ROM1: variants seen among roughly 807,000 people sequenced by gnomAD.
The protein encoded by ROM1 is retinal outer segment membrane protein 1, also known as rod outer segment membrane protein 1.
Under a neutral mutation model 23.0 loss-of-function variants are expected in ROM1, and 17 were observed. That is an observed-to-expected ratio of 0.74 (90% confidence interval 0.51 to 1.11). The LOEUF is 1.11. Among genes scored for constraint, ROM1 ranks in the 50% least tolerant of loss-of-function variants. The probability of loss-of-function intolerance (pLI) is 0.00; values close to 1 mark genes in which losing one functional copy is unlikely to be tolerated. For missense variants in ROM1, 436 were observed against 439.7 expected, an observed-to-expected ratio of 0.99 and a Z score of 0.08; for synonymous variants, 200 against 206.5, an observed-to-expected ratio of 0.97 and a Z score of 0.27.
Position 62,613,371 on chromosome 11 carries a change from G to A in ROM1, c.90G>A (p.Leu30=). ...GGCTCCTCTCCTGGCTGCTGGCGCT[G>A]GCTGGTGGCGTCATCCTCCTCTGTA... The part of the protein sequence containing the change: ...GLWLLSWLLA[L]AGGVILLCSG... Residue 30 remains leucine (L), a synonymous_variant, in exon 1 of 3, where the codon CTG becomes CTA. Coordinates refer to ENST00000278833, the MANE Select transcript of ROM1 (RefSeq NM_000327.4). The A allele has an allele frequency of 1.2e-6, 2 of 1,613,638 alleles. No homozygotes were observed. Among genetic ancestry groups the A allele is most frequent in the Non-Finnish European group, 1.7e-6 (2 of 1,179,824 alleles).
chr11:62,613,305 G>T lies in ROM1; in HGVS notation c.24G>T (p.Val8=). MAPVLPL[V]LPLQPRIRLA... ...AGATGGCGCCGGTGTTGCCCCTGGT[G>T]CTGCCCCTGCAGCCCCGCATCCGCC... is the stretch of plus-strand genomic sequence containing the variant. Residue 8 remains valine (V), a synonymous_variant, in exon 1 of 3, where the codon GTG becomes GTT. Transcript: ENST00000278833. 1.2e-6 allele frequency: 2 copies of T among 1,609,432 alleles called. No individual in the cohort carries two copies. The highest frequency in any genetic ancestry group is 1.7e-6 in the Non-Finnish European group (2 of 1,178,966).
rs1162792024 is a variant in ROM1, at chr11:62,613,336, C to T, written c.55C>T (p.Gln19Ter). 6.2e-7 allele frequency: 1 copy of T among 1,613,192 alleles called. No individual in the cohort carries two copies. The highest frequency in any genetic ancestry group is 1.7e-5 in the Admixed American group (1 of 59,940). ...CCTGCAGCCCCGCATCCGCCTGGCA[C>T]AAGGGCTCTGGCTCCTCTCCTGGCT... ...LPLQPRIRLA[Q>*]GLWLLSWLLA... is the part of the protein sequence containing the mutation. The change falls in exon 1 of 3, where the codon CAA (glutamine) becomes TAA (stop). Residue 19 changes from glutamine (Q) to a stop codon, truncating the protein, a stop_gained. Transcript: ENST00000278833. LOFTEE classifies it high-confidence loss of function.
chr11:62,613,692 G>A lies in ROM1; in HGVS notation c.411G>A (p.Leu137=). ...TGGATGAGGCGCTGGAGGAGGGCCT[G>A]GTGACTGCCTTGGCTCACTACAAGG... The part of the protein sequence containing the change: ...GSLDEALEEG[L]VTALAHYKDT... The change falls in exon 1 of 3, where the codon CTG becomes CTA. Residue 137 remains leucine, a synonymous_variant. Transcript: ENST00000278833. The A allele has an allele frequency of 1.2e-6, 2 of 1,614,178 alleles. No homozygotes were observed. Among genetic ancestry groups the A allele is most frequent in the Non-Finnish European group, 1.7e-6 (2 of 1,180,026 alleles).
At position 62,613,728 on chromosome 11, in the gene ROM1, G is replaced by T; in HGVS notation, c.447G>T (p.Val149=). 1.2e-6 allele frequency: 2 copies of T among 1,614,216 alleles called. No individual in the cohort carries two copies. The highest frequency in any genetic ancestry group is 1.7e-6 in the Non-Finnish European group (2 of 1,180,030). ...TGGCTCACTACAAGGACACAGAGGTGCCTGGGCACTGTCAGGCCAAAAGGC... is the reference window on the plus strand; with the variant it reads ...TGGCTCACTACAAGGACACAGAGGTTCCTGGGCACTGTCAGGCCAAAAGGC... ...TALAHYKDTE[V]PGHCQAKRLV... The change falls in exon 1 of 3, where the codon GTG becomes GTT. Residue 149 remains valine (V), a synonymous_variant. Transcript: ENST00000278833.
chr11:62,613,513 C>T lies in ROM1; in HGVS notation c.232C>T (p.Leu78=), dbSNP rs1166852916. ...AAGAVALGTG[L]VGVGASRASL... ...GGGCGCGGTGGCTCTGGGCACAGGA[C>T]TAGTGGGTGTAGGAGCCAGCCGGGC... The change falls in exon 1 of 3, where the codon CTA becomes TTA. Residue 78 remains leucine, a synonymous_variant. Transcript: ENST00000278833. 1.9e-6 allele frequency: 3 copies of T among 1,613,740 alleles called. No homozygotes were observed. In the South Asian group the frequency reaches 3.3e-5, roughly 18 times the overall value.
Position 62,614,947 on chromosome 11 carries a change from A to G in ROM1, c.*108A>G. 1 of 927,338 alleles carries G rather than the reference A, an allele frequency of 1.1e-6. No individual in the cohort carries two copies. The highest frequency in any genetic ancestry group is 1.7e-6 in the Non-Finnish European group (1 of 595,462). 57.4% of individuals were successfully genotyped at this position (927,338 alleles called of 1,614,324 possible). On this transcript the variant is annotated 3_prime_UTR_variant, in exon 3 of 3. Transcript: ENST00000278833. ...GGGGATCGTAGGATTAGAGGGGCTAAGGATAGTCAGCGAGCTGGACTGGGG... is the reference window on the plus strand; with the variant it reads ...GGGGATCGTAGGATTAGAGGGGCTAGGGATAGTCAGCGAGCTGGACTGGGG...
Position 62,613,494 on chromosome 11 carries a change from G to C in ROM1, c.213G>C (p.Ala71=). The C allele has an allele frequency of 1.9e-6, 3 of 1,613,740 alleles. No individual in the cohort carries two copies. Among genetic ancestry groups the C allele is most frequent in the Non-Finnish European group, 2.5e-6 (3 of 1,179,822 alleles). ...VLPQAALAAG[A]VALGTGLVGV... ...CCCAGGCTGCCCTGGCAGCGGGCGC[G>C]GTGGCTCTGGGCACAGGACTAGTGG... Residue 71 remains alanine, a synonymous_variant, in exon 1 of 3, where the codon GCG becomes GCC. Coordinates refer to ENST00000278833, the MANE Select transcript of ROM1 (RefSeq NM_000327.4).
chr11:62,614,898 C>A lies in ROM1; in HGVS notation c.*59C>A. The A allele has an allele frequency of 7.1e-7, 1 of 1,408,166 alleles. No individual in the cohort carries two copies. Among genetic ancestry groups the A allele is most frequent in the Non-Finnish European group, 1.0e-6 (1 of 1,000,402 alleles). The allele number at this position is 1,408,166 out of a possible 1,614,324, so 87.2% of individuals were successfully genotyped here. The stretch of plus-strand genomic sequence containing the variant: ...ATGGACAAGTCTGAAAACCTCACAA[C>A]TCCTTACCAAGGCTCCAGGTTGGGG... On this transcript the variant is annotated 3_prime_UTR_variant, in exon 3 of 3. Transcript: ENST00000278833.
rs1410250964 is a variant in ROM1 at position 62,613,401 on chromosome 11, G to A, written c.120G>A (p.Gly40=). The part of the protein sequence containing the change: ...LAGGVILLCS[G]HLLVQLRHLG... ...GTGGCGTCATCCTCCTCTGTAGTGG[G>A]CACCTCCTGGTCCAGCTAAGGCACC... The change falls in exon 1 of 3, where the codon GGG becomes GGA. Residue 40 remains glycine (G), a synonymous_variant. Transcript: ENST00000278833. 2 of 1,613,314 alleles carry A rather than the reference G, an allele frequency of 1.2e-6. No individual in the cohort carries two copies. Among genetic ancestry groups the A allele is most frequent in the Non-Finnish European group, 1.7e-6 (2 of 1,179,654 alleles).
In ROM1 at chr11:62,614,386, A is replaced by T. The variant is rs774579867; in HGVS notation, c.719A>T (p.Asp240Val). 5 of 1,613,886 alleles carry T rather than the reference A, an allele frequency of 3.1e-6. No individual in the cohort carries two copies. Among genetic ancestry groups the T allele is most frequent in the Non-Finnish European group, 3.4e-6 (4 of 1,180,016 alleles). ...GACTCCTACGCCCACCCCCTGTTCGATCCCCGACAACCCAACCAAAACCTC... is the reference window on the plus strand; with the variant it reads ...GACTCCTACGCCCACCCCCTGTTCGTTCCCCGACAACCCAACCAAAACCTC... The part of the protein sequence containing the change: ...LSDSYAHPLF[D>V]PRQPNQNLWA... The change falls in exon 2 of 3, where the codon GAT becomes GTT. Residue 240 changes from aspartate (D) to valine (V), a missense_variant. Transcript: ENST00000278833.
In ROM1 at chr11:62,614,626, G is replaced by A. The variant is rs1942985008; in HGVS notation, c.843G>A (p.Leu281=). Residue 281 remains leucine (L), a synonymous_variant, in exon 3 of 3, where the codon CTG becomes CTA. Transcript: ENST00000278833. Reference sequence around the variant, plus strand: ...TCCCCTTGCTTCCCCCACAGGCTCTGGTGCTCCTTGGCCTGCGGTACCTGC... The same window carrying A: ...TCCCCTTGCTTCCCCCACAGGCTCTAGTGCTCCTTGGCCTGCGGTACCTGC... ...MLAVTFLLQA[L]VLLGLRYLQT... 1 of 1,614,118 alleles carries A rather than the reference G, an allele frequency of 6.2e-7. No individual in the cohort carries two copies. Among genetic ancestry groups the A allele is most frequent in the Non-Finnish European group, 8.5e-7 (1 of 1,180,042 alleles).
chr11:62,614,780 G>A lies in ROM1; in HGVS notation c.997G>A (p.Ala333Thr). 7 of 1,614,226 alleles carry A rather than the reference G, an allele frequency of 4.3e-6. No homozygotes were observed. Among genetic ancestry groups the A allele is most frequent in the Non-Finnish European group, 5.9e-6 (7 of 1,180,036 alleles). Residue 333 changes from alanine to threonine, a missense_variant, in exon 3 of 3, where the codon GCA (alanine) becomes ACA (threonine). By Grantham distance (58) the Ala-to-Thr change is moderately conservative. Transcript: ENST00000278833. Reference protein sequence around the residue: ...WLQGGVACRPAPEEAPPGEAP... With the variant: ...WLQGGVACRPTPEEAPPGEAP... ...ACAGGGAGGGGTTGCCTGCAGGCCA[G>A]CACCTGAGGAGGCCCCACCAGGAGA...
Position 62,613,713 on chromosome 11 carries a change from C to T in ROM1, c.432C>T (p.Tyr144=), listed in dbSNP as rs1482039703. ...GCCTGGTGACTGCCTTGGCTCACTA[C>T]AAGGACACAGAGGTGCCTGGGCACT... ...EEGLVTALAH[Y]KDTEVPGHCQ... is the part of the protein sequence containing the mutation. Residue 144 remains tyrosine, a synonymous_variant, in exon 1 of 3, where the codon TAC becomes TAT. Coordinates refer to ENST00000278833, the MANE Select transcript of ROM1 (RefSeq NM_000327.4). The T allele has an allele frequency of 1.2e-5, 19 of 1,614,196 alleles. No individual in the cohort carries two copies. Among genetic ancestry groups the T allele is most frequent in the Non-Finnish European group, 1.6e-5 (19 of 1,180,024 alleles).
In ROM1 at chr11:62,614,899, T is replaced by C; in HGVS notation, c.*60T>C. On this transcript the variant is annotated 3_prime_UTR_variant, in exon 3 of 3. Coordinates refer to ENST00000278833, the MANE Select transcript of ROM1 (RefSeq NM_000327.4). ...TGGACAAGTCTGAAAACCTCACAAC[T>C]CCTTACCAAGGCTCCAGGTTGGGGG... is the stretch of plus-strand genomic sequence containing the variant. 1.4e-6 allele frequency: 2 copies of C among 1,398,566 alleles called. No individual in the cohort carries two copies. Among genetic ancestry groups the C allele is most frequent in the South Asian group, 2.3e-5 (2 of 85,756 alleles). 86.6% of individuals were successfully genotyped at this position (1,398,566 alleles called of 1,614,324 possible).
chr11:62,614,871 G>A lies in ROM1; in HGVS notation c.*32G>A, dbSNP rs781364343. On this transcript the variant is annotated 3_prime_UTR_variant, in exon 3 of 3. Transcript: ENST00000278833. ...GGAGCTTGGGGTGAGGAAGAGGGAG[G>A]GATGGACAAGTCTGAAAACCTCACA... The A allele has an allele frequency of 1.1e-5, 17 of 1,568,820 alleles. 1 individual carries two copies. Among genetic ancestry groups the A allele is most frequent in the Middle Eastern group, 2.0e-4 (1 of 5,070 alleles).
rs1225011577 is a variant in ROM1, at chr11:62,613,764, G to A, written c.483G>A (p.Glu161=). The A allele has an allele frequency of 1.9e-6, 3 of 1,614,102 alleles. No individual in the cohort carries two copies. Among genetic ancestry groups the A allele is most frequent in the Non-Finnish European group, 2.5e-6 (3 of 1,180,042 alleles). The part of the protein sequence containing the change: ...GHCQAKRLVD[E]LQLRYHCCGR... ...GTCAGGCCAAAAGGCTGGTGGATGAGCTGCAACTGAGGTACCACTGCTGCG... is the reference window on the plus strand; with the variant it reads ...GTCAGGCCAAAAGGCTGGTGGATGAACTGCAACTGAGGTACCACTGCTGCG... The change falls in exon 1 of 3, where the codon GAG becomes GAA. Residue 161 remains glutamate (E), a synonymous_variant. Coordinates refer to ENST00000278833, the MANE Select transcript of ROM1 (RefSeq NM_000327.4).
chr11:62,613,914 G>C (rs1942963980), intron 1 of ROM1, 43 bp downstream of exon 1: 1 of 1,612,148 alleles, frequency 6.2e-7, no homozygotes. Context: ...CTCCTCCCTG[G>C]ACAGGCTCCC....
rs1942993400 is a variant in ROM1 at position 62,614,928 on chromosome 11, C to T, written c.*89C>T. ...TACCAAGGCTCCAGGTTGGGGGGAT[C>T]GTAGGATTAGAGGGGCTAAGGATAG... On this transcript the variant is annotated 3_prime_UTR_variant, in exon 3 of 3. Transcript: ENST00000278833. The T allele has an allele frequency of 3.5e-6, 4 of 1,143,466 alleles. No individual in the cohort carries two copies. Among genetic ancestry groups the T allele is most frequent in the Middle Eastern group, 2.8e-4 (1 of 3,556 alleles). The allele number at this position is 1,143,466 out of a possible 1,614,324, so 70.8% of individuals were successfully genotyped here.
At position 62,614,251 on chromosome 11, in the gene ROM1, T is replaced by A. The variant is rs777561637; in HGVS notation, c.591-7T>A. ...ACATCCTAACCCCTCTGTCCCTCCC[T>A]TTGCAGCCGGATCCAGAGCAATGTA... is the stretch of plus-strand genomic sequence containing the variant. On this transcript the variant is annotated splice_polypyrimidine_tract_variant and splice_region_variant and intron_variant, in intron 1 of 2. Transcript: ENST00000278833. The A allele has an allele frequency of 2.2e-5, 35 of 1,613,876 alleles. No homozygotes were observed. The highest frequency in any genetic ancestry group is 3.0e-5 in the Non-Finnish European group (35 of 1,179,968).
Sources: gnomAD v4.1 joint callset for allele counts on GRCh38, gnomAD v4.1.1 for gene constraint, MANE v1.5 for transcripts, NCBI Gene and HGNC (gene_info 2026-07-23, HGNC 2026-07-21) for gene names.